The following PPP2R3A variants were observed in gnomAD, a reference collection of about 807,000 sequenced individuals.
PPP2R3A encodes serine/threonine-protein phosphatase 2A regulatory subunit B'' subunit alpha.
In PPP2R3A, 80 loss-of-function variants were observed where a neutral mutation model predicts 106.9. The ratio of observed to expected loss-of-function variants is 0.75; its 90% CI spans 0.62 to 0.90. The LOEUF is 0.90. PPP2R3A is among the 40% of genes least tolerant of loss of function. The probability of loss-of-function intolerance (pLI) is 0.00; values close to 1 mark genes in which losing one functional copy is unlikely to be tolerated. For missense variants in PPP2R3A, 1,386 were observed against 1,350.4 expected (o/e 1.03, Z -0.41); for synonymous variants, 483 against 468.3 (o/e 1.03, Z -0.41).
At chr3:136,111,292 T>C (rs1351230787) in intron 13 of PPP2R3A, among the ~76,000 whole-genome samples, 1 of 152,196 alleles carries the variant, frequency 6.6e-6, no homozygotes, top group African/African-American at 2.4e-5. Context: ...TAGACATTGA[T>C]AAAGTTGTAT....
intron 13 of PPP2R3A, among the ~76,000 whole-genome samples, chr3:136,141,930 A>C (rs1938888816): frequency 6.6e-6 from 1 of 152,224 alleles, no homozygotes; most frequent in Non-Finnish European, 1.5e-5. Context: ...TTGAGTGGGC[A>C]GATGACAGTG....
At chr3:136,112,860 C>T (rs951382806) in intron 13 of PPP2R3A, among the ~76,000 whole-genome samples, 13 of 152,080 alleles carry the variant, frequency 8.5e-5, no homozygotes, top group Admixed American at 6.6e-4. Flanking sequence ...AAGCTGGGCG[C>T]GGTGGCTCAT....
intron 5 of PPP2R3A, among the ~76,000 whole-genome samples, chr3:136,053,131 G>A (rs900645664): frequency 6.6e-6 from 1 of 152,140 alleles, no homozygotes; most frequent in Non-Finnish European, 1.5e-5. Context: ...GTCTACTTGA[G>A]GGTGGAAGGT....
intron 13 of PPP2R3A, among the ~76,000 whole-genome samples, chr3:136,137,363 T>G (rs950917590): frequency 3.1e-4 from 47 of 152,156 alleles, no homozygotes; most frequent in African/African-American, 1.1e-3. Context: ...TAACACTTGT[T>G]ACTAATGTGT....
intron 5 of PPP2R3A, among the ~76,000 whole-genome samples, chr3:136,054,549 G>A (rs769077122): frequency 1.6e-4 from 24 of 152,178 alleles, no homozygotes; most frequent in Non-Finnish European, 2.8e-4. Context: ...GAGCCACCGC[G>A]TCCAGCCTAC....
chr3:136,096,744 G>A (rs1366449587), intron 10 of PPP2R3A, among the ~76,000 whole-genome samples: 1 of 152,226 alleles, frequency 6.6e-6, no homozygotes, highest in Non-Finnish European at 1.5e-5. Context: ...GCATACAGGA[G>A]TTTATATTAG....
chr3:136,095,909 G>A (rs1937204575), intron 10 of PPP2R3A, among the ~76,000 whole-genome samples: 1 of 152,048 alleles, frequency 6.6e-6, no homozygotes, highest in South Asian at 2.1e-4. Context: ...CTACATCCTG[G>A]TAAACTCAGC....
At chr3:136,013,535 T>G (rs1934165959) in intron 2 of PPP2R3A, among the ~76,000 whole-genome samples, 1 of 152,186 alleles carries the variant, frequency 6.6e-6, no homozygotes, top group African/African-American at 2.4e-5. Context: ...ATTTTTTAAA[T>G]TATGGCCATT....
chr3:136,078,230 T>C (rs973615558), intron 6 of PPP2R3A, 137 bp from the exon 7 acceptor site: 16 of 655,324 alleles, frequency 2.4e-5, no homozygotes, highest in Non-Finnish European at 3.8e-5. Context: ...AGTGCTGATT[T>C]TTACTAGGAA....
chr3:136,038,036 C>T (rs1319633254), intron 3 of PPP2R3A, among the ~76,000 whole-genome samples: 1 of 151,878 alleles, frequency 6.6e-6, no homozygotes, highest in African/African-American at 2.4e-5. Flanking sequence ...GTGCTATTTT[C>T]TTGCCTTCAG....
intron 1 of PPP2R3A, among the ~76,000 whole-genome samples, chr3:135,972,269 T>G (rs115549322): frequency 0.012 from 1,863 of 152,348 alleles, 39 homozygotes; most frequent in African/African-American, 0.043. Flanking sequence ...GCACAATGTA[T>G]ACGAGGTTCA....
rs753015322 is a variant in PPP2R3A at position 136,001,959 on chromosome 3, G to A, written c.461G>A (p.Arg154Lys). The change falls in exon 2 of 14, where the codon AGG (arginine) becomes AAG (lysine). Residue 154 changes from arginine (R) to lysine (K), a missense_variant. Arg to Lys is a conservative substitution (Grantham distance 26). Coordinates refer to ENST00000264977, the MANE Select transcript of PPP2R3A (RefSeq NM_002718.5). ...GTTAAGTCTGACTCATTTAATAGGA[G>A]GTCAGTTGATTTGGACTTGCTTTGT... ...RKVKSDSFNR[R>K]SVDLDLLCGH... is the part of the protein sequence containing the mutation. 1.9e-6 allele frequency: 3 copies of A among 1,614,126 alleles called. No individual in the cohort carries two copies. Among genetic ancestry groups the A allele is most frequent in the Non-Finnish European group, 2.5e-6 (3 of 1,180,022 alleles).
chr3:136,056,114 A>T (rs936633590), intron 5 of PPP2R3A, among the ~76,000 whole-genome samples: 5 of 152,218 alleles, frequency 3.3e-5, no homozygotes, highest in Non-Finnish European at 7.3e-5. Context: ...TGAGGAAAAC[A>T]TCAGGCAGAT....
chr3:136,005,168 G>A (rs962825146), intron 2 of PPP2R3A, among the ~76,000 whole-genome samples: 5 of 152,056 alleles, frequency 3.3e-5, no homozygotes, highest in Admixed American at 6.6e-5. Flanking sequence ...CTTGTTTCAC[G>A]TACAAAATTC....
chr3:136,017,395 T>G (rs1934315615), intron 2 of PPP2R3A, among the ~76,000 whole-genome samples: 1 of 152,222 alleles, frequency 6.6e-6, no homozygotes, highest in Non-Finnish European at 1.5e-5. Flanking sequence ...GTTATTACCT[T>G]TTTAAACTAC....
At chr3:136,137,103 A>G (rs948403356) in intron 13 of PPP2R3A, among the ~76,000 whole-genome samples, 2 of 152,204 alleles carry the variant, frequency 1.3e-5, no homozygotes, top group African/African-American at 4.8e-5. Flanking sequence ...TTATGATACC[A>G]TATTTATAAT....
At chr3:135,988,267 A>T (rs568768672) in intron 1 of PPP2R3A, among the ~76,000 whole-genome samples, 1 of 151,414 alleles carries the variant, frequency 6.6e-6, no homozygotes, top group African/African-American at 2.4e-5. Flanking sequence ...AAAAAAAAAA[A>T]CAGTTTTTTT....
chr3:136,079,836 G>A (rs552787432), intron 7 of PPP2R3A, among the ~76,000 whole-genome samples: 7 of 151,590 alleles, frequency 4.6e-5, no homozygotes, highest in East Asian at 3.9e-4. Context: ...TTGCTGAACT[G>A]GAAAAAGAAC....
At chr3:136,000,537 A>C (rs1158010209) in intron 1 of PPP2R3A, among the ~76,000 whole-genome samples, 3 of 152,218 alleles carry the variant, frequency 2.0e-5, no homozygotes, top group Admixed American at 2.0e-4. Context: ...TGATGGGAGA[A>C]TAATTTCTAG....
Sources: allele counts gnomAD v4.1 joint callset (sites outside exome capture counted in the v4.1 genomes callset), GRCh38; gene constraint gnomAD v4.1.1; transcripts MANE v1.5; gene names NCBI Gene and HGNC (gene_info 2026-07-23, HGNC 2026-07-21).